Variants in AHRR observed in about 807,000 individuals in gnomAD.
The protein encoded by AHRR is ahR repressor.
Under a neutral mutation model 44.0 loss-of-function variants are expected in AHRR, and 28 were observed. The ratio of observed to expected loss-of-function variants is 0.64; its 90% CI spans 0.47 to 0.87. The LOEUF (loss-of-function observed/expected upper bound fraction) is 0.87. AHRR is among the 40% of genes least tolerant of loss of function. The pLI is 0.00. For missense variants in AHRR, 990 were observed against 953.9 expected (o/e 1.04, Z -0.50); for synonymous variants, 434 against 407.0 (o/e 1.07, Z -0.80).
chr5:420,468 G>A (rs558543631), intron 5 of AHRR, among the ~76,000 whole-genome samples: 4 of 152,354 alleles, frequency 2.6e-5, no homozygotes, highest in African/African-American at 7.2e-5. Context: ...GCAGTTGAAC[G>A]GAGGTGGGGC....
chr5:336,677 T>C (rs1159125079), intron 1 of AHRR, among the ~76,000 whole-genome samples: 1 of 152,216 alleles, frequency 6.6e-6, no homozygotes, highest in Non-Finnish European at 1.5e-5. Context: ...TTTTCTCTTA[T>C]TACCCGTGCT....
chr5:333,287 A>T (rs1741994282), intron 1 of AHRR, among the ~76,000 whole-genome samples: 1 of 152,186 alleles, frequency 6.6e-6, no homozygotes, highest in South Asian at 2.1e-4. Flanking sequence ...CCATTCTGCC[A>T]ATCAGTGTCT....
In AHRR at chr5:411,112, A is replaced by G. The variant is rs1279808611; in HGVS notation, c.352-2232A>G. ...AATTTTGACTCTGTTAATGGCCTTT[A>G]TTATTTGACTGTTCTAAACCATTTT... On this transcript the variant is annotated intron_variant, in intron 4 of 10. Transcript: ENST00000684583. The surrounding 1 kb of genome is among the most constrained non-coding windows in gnomAD (Gnocchi z 4.2). Among the ~76,000 whole-genome samples, 1 of 151,582 alleles carries G rather than the reference A, an allele frequency of 6.6e-6. No homozygotes were observed. The highest frequency in any genetic ancestry group is 1.5e-5 in the Non-Finnish European group (1 of 67,928).
At position 419,946 on chromosome 5, in the gene AHRR, A is replaced by T. The variant is rs1483575225; in HGVS notation, c.442-2783A>T. On this transcript the variant is annotated intron_variant, in intron 5 of 10. Coordinates refer to ENST00000684583, the MANE Select transcript of AHRR (RefSeq NM_001377236.1). The surrounding 1 kb of genome is among the most constrained non-coding windows in gnomAD (Gnocchi z 4.4). ...AGAGTGGTTTAGAATAAGAACTCCG[A>T]AAGGTTCCTTGTGGATCCCCTTTTC... 2.0e-5 allele frequency among the ~76,000 whole-genome samples: 3 copies of T among 152,216 alleles called. No individual in the cohort carries two copies. The highest frequency in any genetic ancestry group is 7.2e-5 in the African/African-American group (3 of 41,442).
rs35008248 is a variant in AHRR, at chr5:376,694, T to C, written c.329T>C (p.Leu110Pro). The change falls in exon 4 of 11, where the codon CTG becomes CCG. Residue 110 changes from leucine to proline, a missense_variant. Physicochemically the swap from Leu to Pro is moderately conservative, Grantham distance 98 (BLOSUM62 -3). Coordinates refer to ENST00000684583, the MANE Select transcript of AHRR (RefSeq NM_001377236.1). ...TGTCCTCTTGCAGGGTCTGCCGTGC[T>C]GGAGGGAAGGCTGCTGTTGGAGGTG... Reference protein sequence around the residue: ...DSCPLAGSAVLEGRLLLESLN... With the variant: ...DSCPLAGSAVPEGRLLLESLN... The C allele has an allele frequency of 0.022, 35,342 of 1,609,214 alleles. 5,359 individuals carry two copies. In the African/African-American group the frequency reaches 0.37, roughly 17 times the overall value.
rs1443300618 is a variant in AHRR at position 423,997 on chromosome 5, G to A, written c.708+20G>A. ...TTCCTGGTGAGTGCGTGGGTCCCTG[G>A]CAGGGGGCTCCCGACATCTGGGATG... On this transcript the variant is annotated intron_variant, in intron 7 of 10. Transcript: ENST00000684583. 2 of 1,590,070 alleles carry A rather than the reference G, an allele frequency of 1.3e-6. No homozygotes were observed. Among genetic ancestry groups the A allele is most frequent in the Admixed American group, 1.7e-5 (1 of 59,188 alleles).
At chr5:424,032 C>T in intron 7 of AHRR, 55 bp downstream of exon 7, 1 of 1,564,720 alleles carries the variant, frequency 6.4e-7, no homozygotes, top group African/African-American at 1.3e-5. Flanking sequence ...GCATTCTACC[C>T]TGGTGTGGAA....
chr5:368,606 T>G (rs1391221392), intron 3 of AHRR, among the ~76,000 whole-genome samples: 1 of 152,260 alleles, frequency 6.6e-6, no homozygotes, highest in Non-Finnish European at 1.5e-5. Context: ...TATTCTTTTT[T>G]TCCCCAAAGA....
intron 3 of AHRR, among the ~76,000 whole-genome samples, chr5:365,277 A>C (rs187839346): frequency 6.6e-6 from 1 of 152,206 alleles, no homozygotes. Flanking sequence ...AGTAAATTTC[A>C]AAAGATAAAA....
At position 323,747 on chromosome 5, in the gene AHRR, C is replaced by T. The variant is rs145096382; in HGVS notation, c.-11+1928C>T. Among the ~76,000 whole-genome samples, 59 of 152,288 alleles carry T rather than the reference C, an allele frequency of 3.9e-4. No individual in the cohort carries two copies. The East Asian group carries it at 4.1e-3, about 10-fold the overall frequency. On this transcript the variant is annotated intron_variant, in intron 1 of 10. Transcript: ENST00000684583. ...TTGCAATGCAGTTGGAGAGATGCCGCCGGGTGGCCCTGACCAGTGTTAAGT... is the reference window on the plus strand; with the variant it reads ...TTGCAATGCAGTTGGAGAGATGCCGTCGGGTGGCCCTGACCAGTGTTAAGT...
rs906934455 is a variant in AHRR at position 343,293 on chromosome 5, G to A, written c.-10-600G>A. Among the ~76,000 whole-genome samples the A allele has an allele frequency of 7.6e-5, 10 of 132,104 alleles. 1 individual carries two copies. Among genetic ancestry groups the A allele is most frequent in the East Asian group, 2.0e-4 (1 of 4,922 alleles). The allele number at this position is 132,104 out of a possible 152,430, so 86.7% of individuals were successfully genotyped here. The stretch of plus-strand genomic sequence containing the variant: ...ACCCCACATACCTTTTCGGGGTGAC[G>A]TGAACACAGAACCCCACATACCCTC... On this transcript the variant is annotated intron_variant, in intron 1 of 10. Coordinates refer to ENST00000684583, the MANE Select transcript of AHRR (RefSeq NM_001377236.1).
chr5:433,024 A>AGCTGTGTGTGTGTGGGTGT, intron 10 of AHRR, 77 bp downstream of exon 10: 1 of 1,426,034 alleles, frequency 7.0e-7, no homozygotes, highest in Non-Finnish European at 9.3e-7. Flanking sequence ...CGGGTGGGGG[A>AGCTGTGTGTGTGTGGGTGT]GTGATTAAGA....
chr5:412,666 A>C (rs1320109796), intron 4 of AHRR, among the ~76,000 whole-genome samples: 3 of 151,698 alleles, frequency 2.0e-5, no homozygotes, highest in African/African-American at 7.3e-5. Context: ...TGATTCTTTC[A>C]GCAGATACAG....
At chr5:425,584 G>A (rs1273730282) in intron 7 of AHRR, among the ~76,000 whole-genome samples, 2 of 152,170 alleles carry the variant, frequency 1.3e-5, no homozygotes, top group Non-Finnish European at 2.9e-5. Context: ...AAGGAATGTT[G>A]TTCGTTTTTT....
intron 1 of AHRR, among the ~76,000 whole-genome samples, chr5:343,301 A>G (rs6894174): frequency 1.6e-3 from 201 of 128,924 alleles, no homozygotes; most frequent in African/African-American, 5.1e-3. Flanking sequence ...ACGTGAACAC[A>G]GAACCCCACA....
At chr5:353,976 G>A in intron 3 of AHRR, 65 bp downstream of exon 3, 7 of 1,517,622 alleles carry the variant, frequency 4.6e-6, no homozygotes, top group Non-Finnish European at 6.3e-6. Flanking sequence ...GAGTCCATCT[G>A]GGGCCTTGTG....
rs1734664149 is a variant in AHRR at position 395,476 on chromosome 5, G to C, written c.352-17868G>C. Among the ~76,000 whole-genome samples the C allele has an allele frequency of 6.6e-6, 1 of 152,200 alleles. No individual in the cohort carries two copies. The highest frequency in any genetic ancestry group is 1.5e-5 in the Non-Finnish European group (1 of 68,022). ...ACAGAGCTTCTCAGCTCCAGGACTG[G>C]ACAGGCAGCTTCCCAGAGGCCACTG... On this transcript the variant is annotated intron_variant, in intron 4 of 10. Coordinates refer to ENST00000684583, the MANE Select transcript of AHRR (RefSeq NM_001377236.1). The surrounding 1 kb of genome is among the most constrained non-coding windows in gnomAD (Gnocchi z 5.3).
rs1261645528 is a variant in AHRR at position 343,874 on chromosome 5, G to A, written c.-10-19G>A. 3.1e-6 allele frequency: 5 copies of A among 1,590,756 alleles called. No homozygotes were observed. The highest frequency in any genetic ancestry group is 1.4e-5 in the African/African-American group (1 of 72,446). On this transcript the variant is annotated intron_variant, in intron 1 of 10. Coordinates refer to ENST00000684583, the MANE Select transcript of AHRR (RefSeq NM_001377236.1). Reference sequence around the variant, plus strand: ...GCACGTGGCGCGTTCCGGTGACCGGGTGCCCCCTTGTCTTCCAGGCCGAGG... The same window carrying A: ...GCACGTGGCGCGTTCCGGTGACCGGATGCCCCCTTGTCTTCCAGGCCGAGG...
At chr5:403,994 T>C in intron 4 of AHRR, 2 of 1,054,654 alleles carry the variant, frequency 1.9e-6, no homozygotes, top group Non-Finnish European at 1.5e-6. Context: ...TTCTTTACAG[T>C]AATTCGAACT....
Sources: gnomAD v4.1 joint callset for allele counts (sites outside exome capture counted in the v4.1 genomes callset) on GRCh38, gnomAD v4.1.1 for gene constraint, Gnocchi (gnomAD v3.1) non-coding constraint, MANE v1.5 for transcripts, NCBI Gene and HGNC (gene_info 2026-07-23, HGNC 2026-07-21) for gene names.